The following PTPRN2 variants were observed in gnomAD, a reference collection of about 807,000 sequenced individuals.
The protein encoded by PTPRN2 is receptor-type tyrosine-protein phosphatase N2.
PTPRN2 carries 74 observed loss-of-function variants against 118.8 expected under a neutral mutation model. The ratio of observed to expected loss-of-function variants is 0.62; its 90% CI spans 0.52 to 0.76. PTPRN2 has a LOEUF of 0.76. Ranked by LOEUF, PTPRN2 falls within the 30% of genes least tolerant of loss-of-function variation. The probability of loss-of-function intolerance (pLI) is 0.00; values close to 1 mark genes in which losing one functional copy is unlikely to be tolerated. For missense variants in PTPRN2, 1,481 were observed against 1,394.4 expected, an observed-to-expected ratio of 1.06 and a Z score of -0.99; for synonymous variants, 641 against 608.0, an observed-to-expected ratio of 1.05 and a Z score of -0.80.
chr7:158,312,313 C>T (rs1289422025), intron 3 of PTPRN2, among the ~76,000 whole-genome samples: 3 of 148,208 alleles, frequency 2.0e-5, no homozygotes, highest in African/African-American at 7.5e-5. Context: ...CTCACACAGA[C>T]ACCCACACAC....
intron 2 of PTPRN2, among the ~76,000 whole-genome samples, chr7:158,322,309 C>T (rs534478770): frequency 9.9e-4 from 151 of 152,312 alleles, no homozygotes; most frequent in African/African-American, 3.1e-3. Context: ...CAGATGTTCA[C>T]CACTGATGGT....
intron 1 of PTPRN2, among the ~76,000 whole-genome samples, chr7:158,511,639 C>A (rs531521136): frequency 6.6e-6 from 1 of 152,196 alleles, no homozygotes; most frequent in South Asian, 2.1e-4. Flanking sequence ...CTCACACAAT[C>A]GCACACATCA....
chr7:158,536,907 G>A (rs1289039551), intron 1 of PTPRN2, among the ~76,000 whole-genome samples: 5 of 152,198 alleles, frequency 3.3e-5, no homozygotes, highest in African/African-American at 4.8e-5. Context: ...AGTAGGACAC[G>A]GGTGGAGACA....
rs140195526 is a variant in PTPRN2, at chr7:158,020,718, G to C, written c.1723+60580C>G. On this transcript the variant is annotated intron_variant, in intron 11 of 22. Coordinates refer to ENST00000389418, the MANE Select transcript of PTPRN2 (RefSeq NM_002847.5). ...ACACCCAATGATTATGGTAGAAACT[G>C]ATACAGAAACGGAATAGGTAAGAAA... Among the ~76,000 whole-genome samples the C allele has an allele frequency of 1.6e-4, 24 of 152,330 alleles. No individual in the cohort carries two copies. The East Asian group carries it at 4.4e-3, about 28-fold the overall frequency.
intron 3 of PTPRN2, among the ~76,000 whole-genome samples, chr7:158,298,928 G>A (rs772309549): frequency 2.6e-5 from 4 of 152,144 alleles, no homozygotes; most frequent in Non-Finnish European, 5.9e-5. Flanking sequence ...ACAGGAACAC[G>A]ATGCCTCTGT....
chr7:157,775,428 G>A (rs762099665), intron 12 of PTPRN2, among the ~76,000 whole-genome samples: 30 of 152,232 alleles, frequency 2.0e-4, no homozygotes, highest in South Asian at 6.2e-4. Flanking sequence ...GGACAGGGCC[G>A]AGGGATGGAA....
chr7:158,132,658 C>A (rs1432735736), intron 9 of PTPRN2, among the ~76,000 whole-genome samples: 1 of 151,706 alleles, frequency 6.6e-6, no homozygotes, highest in Non-Finnish European at 1.5e-5. Flanking sequence ...ATCTACCCTA[C>A]ACACTCATAT....
intron 2 of PTPRN2, among the ~76,000 whole-genome samples, chr7:158,343,201 C>T (rs1442964791): frequency 1.3e-5 from 2 of 152,204 alleles, no homozygotes; most frequent in South Asian, 4.2e-4. Context: ...AACCACAACT[C>T]GACAACAACA....
chr7:158,321,422 T>C (rs896781), intron 2 of PTPRN2, among the ~76,000 whole-genome samples: 60,898 of 151,824 alleles, frequency 0.4, 12,381 homozygotes, highest in Middle Eastern at 0.48. Context: ...CTCTGTTTCC[T>C]GTGCCATGGC....
At chr7:157,800,224 G>A (rs1049351450) in intron 12 of PTPRN2, among the ~76,000 whole-genome samples, 19 of 152,180 alleles carry the variant, frequency 1.2e-4, no homozygotes, top group African/African-American at 4.1e-4. Flanking sequence ...CGTGGCCTCT[G>A]TGTTTCTCCC....
rs1563067030 is a variant in PTPRN2 at position 158,270,769 on chromosome 7, CGTCCACCTGGACCA to C, written c.277+46036_277+46049del. Among the ~76,000 whole-genome samples, 57 of 136,260 alleles carry C rather than the reference CGTCCACCTGGACCA, an allele frequency of 4.2e-4. 1 individual carries two copies. Among genetic ancestry groups the C allele is most frequent in the Non-Finnish European group, 7.0e-4 (45 of 64,354 alleles). 89.4% of individuals were successfully genotyped at this position (136,260 alleles called of 152,430 possible). ...GCCGTCTTCTCCACCTGGACCACCC[CGTCCACCTGGACCA>C]CCCCTCCACCTGGACCACCCCCTCA... On this transcript the variant is annotated intron_variant, in intron 3 of 22. Transcript: ENST00000389418.
chr7:158,249,035 CA>C (rs1450580806), intron 3 of PTPRN2, among the ~76,000 whole-genome samples: 2 of 149,894 alleles, frequency 1.3e-5, no homozygotes, highest in Non-Finnish European at 2.9e-5. Flanking sequence ...AACACACGTG[CA>C]CACATGCCAC....
At chr7:157,885,429 G>C (rs763855371) in intron 12 of PTPRN2, among the ~76,000 whole-genome samples, 5 of 152,186 alleles carry the variant, frequency 3.3e-5, no homozygotes, top group Non-Finnish European at 7.4e-5. Flanking sequence ...GCAGAGAAAG[G>C]CACCTGAGCA....
In PTPRN2 at chr7:157,583,883, A is replaced by AACACACACACACACACAC. The variant is rs35071475; in HGVS notation, c.2497-5761_2497-5744dup. 7.5e-6 allele frequency among the ~76,000 whole-genome samples: 1 copy of AACACACACACACACACAC among 134,158 alleles called. No homozygotes were observed. The highest frequency in any genetic ancestry group is 1.6e-5 in the Non-Finnish European group (1 of 62,974). The allele number at this position is 134,158 out of a possible 152,430, so 88.0% of individuals were successfully genotyped here. ...GGTGACAGAGCGAGACTCTGTCTCA[A>AACACACACACACACACAC]ACACACACACACACACACACACACA... On this transcript the variant is annotated intron_variant, in intron 17 of 22. Coordinates refer to ENST00000389418, the MANE Select transcript of PTPRN2 (RefSeq NM_002847.5). This position sits in a 1 kb window ranked among gnomAD's most constrained non-coding sequence, Gnocchi z 5.5.
chr7:158,227,152 G>A (rs535868015), intron 3 of PTPRN2, among the ~76,000 whole-genome samples: 1 of 152,226 alleles, frequency 6.6e-6, no homozygotes, highest in African/African-American at 2.4e-5. Flanking sequence ...GTGAGAAAAT[G>A]GAACAGTAGA....
intron 11 of PTPRN2, among the ~76,000 whole-genome samples, chr7:157,921,129 G>C (rs894710371): frequency 2.6e-5 from 4 of 152,170 alleles, no homozygotes; most frequent in Non-Finnish European, 4.4e-5. Flanking sequence ...CATATAATAG[G>C]ATATCATTCA....
intron 12 of PTPRN2, among the ~76,000 whole-genome samples, chr7:157,827,473 G>A (rs951441375): frequency 2.0e-5 from 3 of 152,172 alleles, no homozygotes. Flanking sequence ...ACTGTCTGGG[G>A]GCCTGAGAAA....
rs1046933360 is a variant in PTPRN2, at chr7:157,622,609, C to G, written c.2197-1100G>C. 2.6e-5 allele frequency among the ~76,000 whole-genome samples: 4 copies of G among 152,204 alleles called. No homozygotes were observed. The highest frequency in any genetic ancestry group is 9.6e-5 in the African/African-American group (4 of 41,454). On this transcript the variant is annotated intron_variant, in intron 14 of 22. Transcript: ENST00000389418. This position sits in a 1 kb window ranked among gnomAD's most constrained non-coding sequence, Gnocchi z 5.3. ...AGTTTTGACCACAGCCAACCTGAAC[C>G]CATGCAGCAAACACACACCCTGCTG... is the stretch of plus-strand genomic sequence containing the variant.
At chr7:157,628,683 G>A (rs1585135886) in intron 14 of PTPRN2, among the ~76,000 whole-genome samples, 1 of 152,218 alleles carries the variant, frequency 6.6e-6, no homozygotes, top group Non-Finnish European at 1.5e-5. Context: ...GAGGTTTTGA[G>A]GGGTGATGCG....
Sources: allele counts gnomAD v4.1 joint callset (sites outside exome capture counted in the v4.1 genomes callset), GRCh38; gene constraint gnomAD v4.1.1; non-coding constraint Gnocchi (gnomAD v3.1); transcripts MANE v1.5; gene names NCBI Gene and HGNC (gene_info 2026-07-23, HGNC 2026-07-21).